STUM: variants seen among roughly 807,000 people sequenced by gnomAD.
STUM encodes stum, mechanosensory transduction mediator homolog, also known as protein stum homolog.
In STUM, 8 loss-of-function variants were observed where a neutral mutation model predicts 15.3. The ratio of observed to expected loss-of-function variants is 0.52; its 90% CI spans 0.31 to 0.94. The LOEUF is 0.94. Among genes scored for constraint, STUM ranks in the 40% least tolerant of loss-of-function variants. The pLI is 0.05. For synonymous variants in STUM, 78 were observed against 88.7 expected, an observed-to-expected ratio of 0.88 and a Z score of 0.68; for missense variants, 142 against 204.9, an observed-to-expected ratio of 0.69 and a Z score of 1.87.
rs1176040385 is a variant in STUM at position 226,548,771 on chromosome 1, G to C, written c.-134G>C. On this transcript the variant is annotated 5_prime_UTR_variant, in exon 1 of 4. Coordinates refer to ENST00000366788, the MANE Select transcript of STUM (RefSeq NM_001003665.4). ...CGGAGGGCGGGAGTCTCCGCGAGCC[G>C]CGCGGCGCACGGAGCACGGCGGCCG... 1.2e-5 allele frequency: 8 copies of C among 669,678 alleles called. No individual in the cohort carries two copies. Among genetic ancestry groups the C allele is most frequent in the Non-Finnish European group, 1.4e-5 (7 of 491,912 alleles). 41.5% of individuals were successfully genotyped at this position (669,678 alleles called of 1,614,324 possible). A position where few individuals can be genotyped will look rare whatever the true frequency, so the allele number is the denominator to read the frequency against.
chr1:226,563,218 C>G (rs555233981), intron 1 of STUM, among the ~76,000 whole-genome samples: 18 of 152,154 alleles, frequency 1.2e-4, no homozygotes, highest in Non-Finnish European at 2.1e-4. Flanking sequence ...GTGATTGCAC[C>G]TAAATCCAAA....
chr1:226,604,566 A>G lies in STUM; in HGVS notation c.*2526A>G, dbSNP rs1668328594. The G allele has an allele frequency of 6.6e-6, 1 of 152,228 alleles. No individual in the cohort carries two copies. Among genetic ancestry groups the G allele is most frequent in the Non-Finnish European group, 1.5e-5 (1 of 68,054 alleles). 9.4% of individuals were successfully genotyped at this position (152,228 alleles called of 1,614,324 possible). ...CTCTAAATTAGACCGTGGTCTCAGC[A>G]TGATCATCTTCAGTAGATAAGGGAC... On this transcript the variant is annotated 3_prime_UTR_variant, in exon 4 of 4. Coordinates refer to ENST00000366788, the MANE Select transcript of STUM (RefSeq NM_001003665.4). This position sits in a 1 kb window ranked among gnomAD's most constrained non-coding sequence, Gnocchi z 4.7.
chr1:226,597,177 C>T (rs1668196589), intron 2 of STUM, among the ~76,000 whole-genome samples, 196 bp downstream of exon 2: 1 of 152,228 alleles, frequency 6.6e-6, no homozygotes, highest in Non-Finnish European at 1.5e-5. Context: ...CCTGGCCCAA[C>T]ACCTGCAGGG....
At chr1:226,569,496 G>A (rs1487859112) in intron 1 of STUM, among the ~76,000 whole-genome samples, 1 of 152,190 alleles carries the variant, frequency 6.6e-6, no homozygotes, top group African/African-American at 2.4e-5. Context: ...GGGCCAAATA[G>A]CTTGTCAGGG....
chr1:226,550,078 G>T (rs959530206), intron 1 of STUM, among the ~76,000 whole-genome samples: 1 of 152,152 alleles, frequency 6.6e-6, no homozygotes, highest in African/African-American at 2.4e-5. Context: ...AGAACCAGGC[G>T]CCCCAGTGCC....
At chr1:226,553,903 G>C (rs1418850690) in intron 1 of STUM, among the ~76,000 whole-genome samples, 1 of 152,176 alleles carries the variant, frequency 6.6e-6, no homozygotes, top group Non-Finnish European at 1.5e-5. Context: ...AAAAGAAGTT[G>C]GAAAGTAGAA....
At chr1:226,559,700 G>A (rs562358183) in intron 1 of STUM, among the ~76,000 whole-genome samples, 4 of 152,332 alleles carry the variant, frequency 2.6e-5, no homozygotes, top group African/African-American at 4.8e-5. Context: ...CAGCCAGGAC[G>A]TGATGGCTCA....
At chr1:226,599,498 C>G (rs140338339) in intron 2 of STUM, among the ~76,000 whole-genome samples, 1 of 152,208 alleles carries the variant, frequency 6.6e-6, no homozygotes, top group Non-Finnish European at 1.5e-5. Context: ...ATAAGGGACT[C>G]TTCTTTCTGG....
At chr1:226,601,576 G>A (rs1042183858) in intron 3 of STUM, among the ~76,000 whole-genome samples, 55 of 152,262 alleles carry the variant, frequency 3.6e-4, no homozygotes, top group African/African-American at 1.3e-3. Context: ...AGGGATGGCT[G>A]CTCCCCTCTG....
At chr1:226,591,957 T>C (rs1668092976) in intron 1 of STUM, among the ~76,000 whole-genome samples, 1 of 152,070 alleles carries the variant, frequency 6.6e-6, no homozygotes, top group Non-Finnish European at 1.5e-5. Context: ...TTCAGGGCCT[T>C]CCATAAATGA....
chr1:226,569,774 C>T (rs919456846), intron 1 of STUM, among the ~76,000 whole-genome samples: 2 of 152,142 alleles, frequency 1.3e-5, no homozygotes, highest in Non-Finnish European at 2.9e-5. Flanking sequence ...CTGTGGCCTG[C>T]CTGCGTGACC....
rs1397179772 is a variant in STUM, at chr1:226,600,696, C to G, written c.391+22C>G. 6.2e-7 allele frequency: 1 copy of G among 1,609,726 alleles called. No individual in the cohort carries two copies. Among genetic ancestry groups the G allele is most frequent in the Non-Finnish European group, 8.5e-7 (1 of 1,179,922 alleles). ...CAAGGTGAGTCTGCGGATGGACGTGCGGGCCTCGTGCTGCTGCTTGGGGCC... is the reference window on the plus strand; with the variant it reads ...CAAGGTGAGTCTGCGGATGGACGTGGGGGCCTCGTGCTGCTGCTTGGGGCC... On this transcript the variant is annotated intron_variant, in intron 3 of 3. Coordinates refer to ENST00000366788, the MANE Select transcript of STUM (RefSeq NM_001003665.4). This position sits in a 1 kb window ranked among gnomAD's most constrained non-coding sequence, Gnocchi z 5.2.
rs914494022 is a variant in STUM at position 226,565,981 on chromosome 1, T to A, written c.202+16875T>A. Among the ~76,000 whole-genome samples, 1 of 152,226 alleles carries A rather than the reference T, an allele frequency of 6.6e-6. No individual in the cohort carries two copies. The highest frequency in any genetic ancestry group is 1.5e-5 in the Non-Finnish European group (1 of 68,036). Reference sequence around the variant, plus strand: ...CTCTTTCTGTGATAAACAGAAGATATTGAAAGCAAATCGCTACTCAGTCCA... The same window carrying A: ...CTCTTTCTGTGATAAACAGAAGATAATGAAAGCAAATCGCTACTCAGTCCA... On this transcript the variant is annotated intron_variant, in intron 1 of 3. Transcript: ENST00000366788. The surrounding 1 kb of genome is among the most constrained non-coding windows in gnomAD (Gnocchi z 4.4).
intron 1 of STUM, among the ~76,000 whole-genome samples, chr1:226,577,347 G>A (rs575047677): frequency 1.2e-3 from 186 of 150,458 alleles, no homozygotes; most frequent in African/African-American, 4.1e-3. Flanking sequence ...AAGCAAACCC[G>A]GTTAAAAAAA....
chr1:226,579,448 T>A (rs1478296022), intron 1 of STUM, among the ~76,000 whole-genome samples: 2 of 152,092 alleles, frequency 1.3e-5, no homozygotes, highest in Non-Finnish European at 2.9e-5. Flanking sequence ...TCCTGTCTCT[T>A]CGAGGAGATA....
At position 226,596,854 on chromosome 1, in the gene STUM, G is replaced by A. The variant is rs201231970; in HGVS notation, c.255G>A (p.Pro85=). Residue 85 remains proline, a synonymous_variant, in exon 2 of 4, where the codon CCG becomes CCA. Coordinates refer to ENST00000366788, the MANE Select transcript of STUM (RefSeq NM_001003665.4). ...TVLCGARTDL[P]DRHVCCVFWL... ...TGTGCGGGGCCCGCACCGACCTCCC[G>A]GACAGGCATGTGTGCTGCGTCTTCT... 1.2e-4 allele frequency: 194 copies of A among 1,614,204 alleles called. 1 individual carries two copies. The Middle Eastern group carries it at 3.5e-3, about 29-fold the overall frequency.
At chr1:226,587,152 G>C (rs532297634) in intron 1 of STUM, among the ~76,000 whole-genome samples, 2 of 152,312 alleles carry the variant, frequency 1.3e-5, no homozygotes, top group African/African-American at 4.8e-5. Flanking sequence ...AGGTCTAGGA[G>C]GGGGCAGGCA....
intron 1 of STUM, among the ~76,000 whole-genome samples, chr1:226,554,806 A>G (rs760025168): frequency 6.6e-5 from 10 of 152,078 alleles, no homozygotes; most frequent in Admixed American, 1.3e-4. Flanking sequence ...ACCTGTGCCC[A>G]TTTCTTTGCT....
At chr1:226,595,126 G>A (rs1457338059) in intron 1 of STUM, among the ~76,000 whole-genome samples, 1 of 152,244 alleles carries the variant, frequency 6.6e-6, no homozygotes, top group African/African-American at 2.4e-5. Context: ...TGACAGTGCA[G>A]CCCCCAGTTA....
Sources: gnomAD v4.1 joint callset for allele counts (sites outside exome capture counted in the v4.1 genomes callset) on GRCh38, gnomAD v4.1.1 for gene constraint, Gnocchi (gnomAD v3.1) non-coding constraint, MANE v1.5 for transcripts, NCBI Gene and HGNC (gene_info 2026-07-23, HGNC 2026-07-21) for gene names.